The following XRCC4 variants were observed in gnomAD, a reference collection of about 807,000 sequenced individuals.
XRCC4 encodes the protein DNA repair protein XRCC4.
A neutral mutation model predicts 39.1 loss-of-function variants in XRCC4; 28 were observed. The observed-to-expected ratio is 0.72, with a 90% CI of 0.53 to 0.98. The LOEUF (loss-of-function observed/expected upper bound fraction) is 0.98, where lower values mean the gene tolerates loss of function less well. Among genes scored for constraint, XRCC4 ranks in the 50% least tolerant of loss-of-function variants. The pLI is 0.00. For missense variants in XRCC4, 350 were observed against 376.4 expected (o/e 0.93, Z 0.58); for synonymous variants, 123 against 126.4 (o/e 0.97, Z 0.18).
intron 3 of XRCC4, among the ~76,000 whole-genome samples, chr5:83,166,892 T>C (rs1749507082): frequency 6.6e-6 from 1 of 151,832 alleles, no homozygotes; most frequent in Non-Finnish European, 1.5e-5. Flanking sequence ...GTTTTTTGTT[T>C]TTTTTTTGAG....
chr5:83,119,414 G>A (rs1746889788), intron 3 of XRCC4, among the ~76,000 whole-genome samples: 1 of 152,010 alleles, frequency 6.6e-6, no homozygotes, highest in East Asian at 1.9e-4. Flanking sequence ...TGATCTTTTT[G>A]GAATGTGAGG....
At chr5:83,097,730 A>G (rs1011980) in intron 1 of XRCC4, among the ~76,000 whole-genome samples, 27,026 of 152,072 alleles carry the variant, frequency 0.18, 2,979 homozygotes, top group Non-Finnish European at 0.25. Context: ...TTCAGGTACT[A>G]TCTTATCTCT....
At position 83,349,490 on chromosome 5, in the gene XRCC4, G is replaced by A. The variant is rs537305557; in HGVS notation, c.894-3641G>A. On this transcript the variant is annotated intron_variant, in intron 7 of 7. Coordinates refer to ENST00000396027, the MANE Select transcript of XRCC4 (RefSeq NM_003401.5). ...TATAAAAGCTCAATGATCTCCATTC[G>A]GGACAACTTTTACTGAGTACCTGTT... Among the ~76,000 whole-genome samples the A allele has an allele frequency of 1.1e-4, 16 of 152,078 alleles. No individual in the cohort carries two copies. The East Asian group carries it at 2.1e-3, about 20-fold the overall frequency.
At chr5:83,284,597 A>G (rs1384266349) in intron 7 of XRCC4, among the ~76,000 whole-genome samples, 1 of 152,120 alleles carries the variant, frequency 6.6e-6, no homozygotes, top group East Asian at 1.9e-4. Context: ...TTGTTCATTT[A>G]CTCTAGGATT....
In XRCC4 at chr5:83,275,058, T is replaced by C. The variant is rs186494327; in HGVS notation, c.893+16381T>C. 2.2e-3 allele frequency among the ~76,000 whole-genome samples: 330 copies of C among 152,138 alleles called. 1 individual carries two copies. The highest frequency in any genetic ancestry group is 7.5e-3 in the African/African-American group (311 of 41,516). On this transcript the variant is annotated intron_variant, in intron 7 of 7. Coordinates refer to ENST00000396027, the MANE Select transcript of XRCC4 (RefSeq NM_003401.5). ...GTCCAAGTGGAAGTTGGTCTTAGAG[T>C]AGGCTAATAGAGGACCTAGTGAAGA...
At chr5:83,130,726 A>G (rs1747531291) in intron 3 of XRCC4, among the ~76,000 whole-genome samples, 1 of 152,034 alleles carries the variant, frequency 6.6e-6, no homozygotes, top group Non-Finnish European at 1.5e-5. Context: ...GAATTTATCC[A>G]TTTCTTCTAG....
intron 3 of XRCC4, among the ~76,000 whole-genome samples, chr5:83,191,445 C>G (rs975604030): frequency 1.3e-5 from 2 of 152,204 alleles, no homozygotes; most frequent in Non-Finnish European, 2.9e-5. Context: ...TGGCCCACGC[C>G]TGTAATCTCA....
chr5:83,315,388 C>T (rs1355508343), intron 7 of XRCC4, among the ~76,000 whole-genome samples: 2 of 152,112 alleles, frequency 1.3e-5, no homozygotes, highest in East Asian at 3.9e-4. Flanking sequence ...GCCAGTTATC[C>T]TGAAGATCTA....
intron 4 of XRCC4, among the ~76,000 whole-genome samples, chr5:83,199,234 C>T (rs1463580165): frequency 6.6e-6 from 1 of 152,132 alleles, no homozygotes; most frequent in Non-Finnish European, 1.5e-5. Context: ...TAGCCCGTTA[C>T]AGTGTTTAAG....
chr5:83,213,107 TG>T (rs1298188760), intron 6 of XRCC4, among the ~76,000 whole-genome samples: 2 of 152,038 alleles, frequency 1.3e-5, no homozygotes, highest in Non-Finnish European at 2.9e-5. Flanking sequence ...TACAAAATTC[TG>T]AAAGAACAAA....
intron 7 of XRCC4, among the ~76,000 whole-genome samples, chr5:83,290,470 G>T (rs901761342): frequency 1.3e-4 from 20 of 150,738 alleles, no homozygotes; most frequent in Admixed American, 2.0e-4. Flanking sequence ...TAAGTATTCT[G>T]ATCATATTCT....
At chr5:83,236,877 A>C (rs1214877021) in intron 6 of XRCC4, among the ~76,000 whole-genome samples, 1 of 152,116 alleles carries the variant, frequency 6.6e-6, no homozygotes, top group Non-Finnish European at 1.5e-5. Context: ...TGAAAAAAAA[A>C]AAAATCCATT....
At chr5:83,330,069 A>G (rs1756390057) in intron 7 of XRCC4, among the ~76,000 whole-genome samples, 1 of 152,128 alleles carries the variant, frequency 6.6e-6, no homozygotes, top group Non-Finnish European at 1.5e-5. Context: ...CTTATTTTCA[A>G]ATAATACTCT....
chr5:83,289,400 T>A (rs1754838973), intron 7 of XRCC4, among the ~76,000 whole-genome samples: 1 of 151,904 alleles, frequency 6.6e-6, no homozygotes, highest in Admixed American at 6.6e-5. Context: ...AGTGTGAAGA[T>A]GTTCATTTGG....
At chr5:83,087,110 A>G (rs1458342776) in intron 1 of XRCC4, among the ~76,000 whole-genome samples, 1 of 151,422 alleles carries the variant, frequency 6.6e-6, no homozygotes, top group Admixed American at 6.6e-5. Context: ...AGAGGTCAGA[A>G]TTTCAAGTCC....
chr5:83,130,590 A>T (rs1040181601), intron 3 of XRCC4, among the ~76,000 whole-genome samples: 2 of 152,066 alleles, frequency 1.3e-5, no homozygotes, highest in African/African-American at 4.8e-5. Context: ...CTGTGAATCC[A>T]TCTGGTCCTG....
At chr5:83,239,260 G>T (rs1752810186) in intron 6 of XRCC4, among the ~76,000 whole-genome samples, 1 of 152,180 alleles carries the variant, frequency 6.6e-6, no homozygotes. Flanking sequence ...TAAACAATTA[G>T]TTGGAGTGCA....
intron 7 of XRCC4, among the ~76,000 whole-genome samples, chr5:83,291,965 G>GTA (rs1754936537): frequency 1.3e-5 from 2 of 151,144 alleles, no homozygotes; most frequent in South Asian, 4.2e-4. Context: ...GTGTGTGTGT[G>GTA]TGTGTGTGTG....
chr5:83,323,607 C>A (rs972185355), intron 7 of XRCC4, among the ~76,000 whole-genome samples: 4 of 150,942 alleles, frequency 2.7e-5, no homozygotes, highest in African/African-American at 4.9e-5. Flanking sequence ...TTGATTAATA[C>A]AAATTTTTGC....
Sources: allele counts gnomAD v4.1 joint callset (sites outside exome capture counted in the v4.1 genomes callset), GRCh38; gene constraint gnomAD v4.1.1; transcripts MANE v1.5; gene names NCBI Gene and HGNC (gene_info 2026-07-23, HGNC 2026-07-21).